The following SMOC1 variants were observed in gnomAD, a reference collection of about 807,000 sequenced individuals.
The protein encoded by SMOC1 is SPARC related modular calcium binding 1, also known as SPARC-related modular calcium-binding protein 1.
A neutral mutation model predicts 56.3 loss-of-function variants in SMOC1; 22 were observed. That is an observed-to-expected ratio of 0.39 (90% CI 0.28 to 0.56). The LOEUF is 0.56. SMOC1 is among the 20% of genes least tolerant of loss of function. The pLI is 0.61. For missense variants in SMOC1, 509 were observed against 565.4 expected, an observed-to-expected ratio of 0.90 and a Z score of 1.01; for synonymous variants, 193 against 215.0, an observed-to-expected ratio of 0.90 and a Z score of 0.89.
intron 1 of SMOC1, among the ~76,000 whole-genome samples, chr14:69,933,114 C>T (rs1327919524): frequency 1.3e-5 from 2 of 152,014 alleles, no homozygotes; most frequent in African/African-American, 4.8e-5. Flanking sequence ...CCATAGCAAG[C>T]GCAGGTGAAA....
chr14:69,961,319 T>TATA (rs1883371757), intron 3 of SMOC1, among the ~76,000 whole-genome samples: 1 of 126,756 alleles, frequency 7.9e-6, no homozygotes, highest in Non-Finnish European at 1.7e-5. Context: ...TATATATATA[T>TATA]CCTGTTTTAT....
chr14:69,932,930 G>A (rs1885204881), intron 1 of SMOC1, among the ~76,000 whole-genome samples: 1 of 152,074 alleles, frequency 6.6e-6, no homozygotes, highest in Non-Finnish European at 1.5e-5. Context: ...CACCAACCTA[G>A]GGCAGTAGTT....
intron 1 of SMOC1, among the ~76,000 whole-genome samples, chr14:69,923,883 T>C (rs1432556133): frequency 6.6e-6 from 1 of 152,182 alleles, no homozygotes; most frequent in Non-Finnish European, 1.5e-5. Context: ...TGTCCTGCCT[T>C]GGCCTGAGCC....
chr14:70,024,413 T>G (rs1410275248), intron 11 of SMOC1, among the ~76,000 whole-genome samples: 1 of 152,152 alleles, frequency 6.6e-6, no homozygotes, highest in Admixed American at 6.5e-5. Context: ...CTAAGAATGA[T>G]TTTTGCATTT....
chr14:69,926,223 A>G (rs1885008244), intron 1 of SMOC1, among the ~76,000 whole-genome samples: 1 of 152,146 alleles, frequency 6.6e-6, no homozygotes, highest in African/African-American at 2.4e-5. Context: ...GAGGGCAGTG[A>G]TGAAGTTAAG....
chr14:69,977,660 G>T (rs143850168), intron 4 of SMOC1, among the ~76,000 whole-genome samples: 1 of 152,176 alleles, frequency 6.6e-6, no homozygotes, highest in African/African-American at 2.4e-5. Flanking sequence ...TTGTAAAAAT[G>T]TGGTCAAGAC....
chr14:70,012,855 A>T (rs893316651), intron 9 of SMOC1, among the ~76,000 whole-genome samples: 1 of 152,228 alleles, frequency 6.6e-6, no homozygotes, highest in Non-Finnish European at 1.5e-5. Flanking sequence ...GAGATGCTGT[A>T]GTTATAATGT....
In SMOC1 at chr14:69,931,843, G is replaced by T. The variant is rs2139393607; in HGVS notation, c.100-20295G>T. On this transcript the variant is annotated intron_variant, in intron 1 of 11. Transcript: ENST00000361956. Reference sequence around the variant, plus strand: ...CCAGTTAAAGGACTACAGACTTTTGGCTGGAATCTGCCTTTCTACTTCTGA... The same window carrying T: ...CCAGTTAAAGGACTACAGACTTTTGTCTGGAATCTGCCTTTCTACTTCTGA... 3.9e-5 allele frequency among the ~76,000 whole-genome samples: 6 copies of T among 152,342 alleles called. No homozygotes were observed. The South Asian group carries it at 1.2e-3, about 32-fold the overall frequency.
chr14:70,005,336 T>C (rs772785259), intron 7 of SMOC1, among the ~76,000 whole-genome samples: 10 of 152,202 alleles, frequency 6.6e-5, no homozygotes, highest in Non-Finnish European at 1.2e-4. Flanking sequence ...CACAGAGGCC[T>C]GGGCTAGTCC....
At chr14:69,909,710 G>C (rs1433634443) in intron 1 of SMOC1, among the ~76,000 whole-genome samples, 1 of 152,184 alleles carries the variant, frequency 6.6e-6, no homozygotes, top group Non-Finnish European at 1.5e-5. Context: ...GAAAATGTCA[G>C]GGTATTTTCC....
At chr14:69,972,347 G>A (rs569483795) in intron 3 of SMOC1, among the ~76,000 whole-genome samples, 4 of 152,214 alleles carry the variant, frequency 2.6e-5, no homozygotes, top group African/African-American at 4.8e-5. Flanking sequence ...GCTTGTGCTC[G>A]GCCACTTCCC....
At chr14:69,945,514 A>G (rs1236083475) in intron 1 of SMOC1, among the ~76,000 whole-genome samples, 1 of 152,224 alleles carries the variant, frequency 6.6e-6, no homozygotes, top group African/African-American at 2.4e-5. Flanking sequence ...CCAAGCTCCC[A>G]ACTGAGTGAA....
At chr14:69,947,049 A>C (rs573469885) in intron 1 of SMOC1, among the ~76,000 whole-genome samples, 25 of 151,964 alleles carry the variant, frequency 1.6e-4, no homozygotes, top group Admixed American at 4.6e-4. Flanking sequence ...ATGAGCAATT[A>C]AATCTCTTTT....
chr14:70,001,528 T>A (rs1228747210), intron 7 of SMOC1, among the ~76,000 whole-genome samples: 3 of 152,174 alleles, frequency 2.0e-5, no homozygotes, highest in Non-Finnish European at 4.4e-5. Flanking sequence ...ATATTTTTTT[T>A]AGTTTACCTA....
At chr14:69,998,585 A>C (rs2139558385) in intron 7 of SMOC1, among the ~76,000 whole-genome samples, 1 of 152,280 alleles carries the variant, frequency 6.6e-6, no homozygotes, top group African/African-American at 2.4e-5. Context: ...TCATCTTCTC[A>C]TGTTTCTAAT....
chr14:69,953,870 C>T (rs892731050), intron 3 of SMOC1, among the ~76,000 whole-genome samples: 1 of 152,140 alleles, frequency 6.6e-6, no homozygotes, highest in Non-Finnish European at 1.5e-5. Flanking sequence ...TTTTCTTATT[C>T]CTGCCAGTTT....
chr14:69,923,069 C>T (rs951990126), intron 1 of SMOC1, among the ~76,000 whole-genome samples: 1 of 152,136 alleles, frequency 6.6e-6, no homozygotes. Context: ...CTCAGCCTCC[C>T]GAGTAGCTGG....
At chr14:69,902,328 G>A (rs887397517) in intron 1 of SMOC1, among the ~76,000 whole-genome samples, 52 of 152,206 alleles carry the variant, frequency 3.4e-4, no homozygotes, top group African/African-American at 1.1e-3. Flanking sequence ...TCTGCTAAAA[G>A]CTTCCTTAAA....
At chr14:69,986,498 G>A (rs75095469) in intron 5 of SMOC1, among the ~76,000 whole-genome samples, 1,547 of 152,242 alleles carry the variant, frequency 0.01, 19 homozygotes, top group African/African-American at 0.03. Context: ...TAATTAAAGA[G>A]CTTACCCATA....
Sources: allele counts gnomAD v4.1 joint callset (sites outside exome capture counted in the v4.1 genomes callset), GRCh38; gene constraint gnomAD v4.1.1; transcripts MANE v1.5; gene names NCBI Gene and HGNC (gene_info 2026-07-23, HGNC 2026-07-21).